MAP4: variants seen among roughly 807,000 people sequenced by gnomAD.
The protein encoded by MAP4 is microtubule-associated protein 4.
Under a neutral mutation model 170.2 loss-of-function variants are expected in MAP4, and 76 were observed. The observed-to-expected ratio is 0.45, with a 90% CI of 0.37 to 0.54. The LOEUF (loss-of-function observed/expected upper bound fraction) is 0.54, where lower values mean the gene tolerates loss of function less well. MAP4 is among the 20% of genes least tolerant of loss of function. The pLI, the probability that MAP4 is intolerant of heterozygous loss-of-function variation, is 0.00. For missense variants in MAP4, 2,506 were observed against 2,748.0 expected (o/e 0.91, Z 1.97); for synonymous variants, 909 against 994.5 (o/e 0.91, Z 1.62).
chr3:48,087,432 CTT>C (rs1233994208), intron 1 of MAP4, among the ~76,000 whole-genome samples: 1 of 152,206 alleles, frequency 6.6e-6, no homozygotes, highest in Admixed American at 6.6e-5. Context: ...CTTTGAATCT[CTT>C]TGGGCTGATG....
Position 48,060,930 on chromosome 3 carries a change from C to T in MAP4, c.-20+27843G>A, listed in dbSNP as rs966913747. On this transcript the variant is annotated intron_variant, in intron 1 of 18. Coordinates refer to the MAP4 transcript ENST00000360240. ...TGCGATCTCGGCTCACTGCAAGCTC[C>T]GTCTCCCAAGTACACGCCATTCTCC... 2.0e-5 allele frequency among the ~76,000 whole-genome samples: 3 copies of T among 152,024 alleles called. No individual in the cohort carries two copies. The South Asian group carries it at 6.2e-4, about 32-fold the overall frequency.
chr3:47,990,456 C>T lies in MAP4; in HGVS notation c.223+8182G>A, dbSNP rs560660603. 3.9e-5 allele frequency among the ~76,000 whole-genome samples: 6 copies of T among 152,204 alleles called. No homozygotes were observed. In the South Asian group the frequency reaches 1.2e-3, roughly 32 times the overall value. ...TGAGACCTTGTCTTTACTAAAAATG[C>T]AAAAAACTTAGCCAGGCCATTGCCC... On this transcript the variant is annotated intron_variant, in intron 2 of 20. Transcript: ENST00000683076.
chr3:47,898,654 AACTCAAGAAAG>A (rs1476926332), intron 10 of MAP4, among the ~76,000 whole-genome samples: 1 of 152,166 alleles, frequency 6.6e-6, no homozygotes, highest in Non-Finnish European at 1.5e-5. Flanking sequence ...TAATTAGTAA[AACTCAAGAAAG>A]ACTGGGCATA....
At chr3:48,031,119 G>A (rs2100115895) in intron 1 of MAP4, among the ~76,000 whole-genome samples, 1 of 152,066 alleles carries the variant, frequency 6.6e-6, no homozygotes, top group African/African-American at 2.4e-5. Context: ...AATATCAATA[G>A]TGATAAATCA....
chr3:48,004,969 G>A (rs1397343947), intron 1 of MAP4, among the ~76,000 whole-genome samples: 1 of 152,144 alleles, frequency 6.6e-6, no homozygotes, highest in Non-Finnish European at 1.5e-5. Context: ...GAAGGTACCT[G>A]CAACACCCAT....
intron 10 of MAP4, among the ~76,000 whole-genome samples, chr3:47,880,017 T>C (rs1271829054): frequency 6.6e-6 from 1 of 152,102 alleles, no homozygotes; most frequent in Non-Finnish European, 1.5e-5. Flanking sequence ...TATTCCTACT[T>C]TGCTGAGAGT....
intron 5 of MAP4, 127 bp from the exon 6 acceptor site, chr3:47,918,968 G>A: frequency 1.5e-6 from 1 of 679,476 alleles, no homozygotes; most frequent in Non-Finnish European, 2.3e-6. Context: ...TCGCTCTGTT[G>A]CCCACGCAGA....
intron 1 of MAP4, among the ~76,000 whole-genome samples, chr3:48,009,598 C>T (rs986419737): frequency 9.9e-5 from 15 of 152,186 alleles, no homozygotes; most frequent in East Asian, 5.8e-4. Context: ...ACAATTACAA[C>T]GCCAACTAGG....
intron 2 of MAP4, among the ~76,000 whole-genome samples, chr3:47,997,312 C>A (rs1579032032): frequency 5.6e-5 from 3 of 54,034 alleles, no homozygotes; most frequent in South Asian, 5.9e-4. Context: ...CTAAACACAA[C>A]ATATTTAAAC....
intron 5 of MAP4, among the ~76,000 whole-genome samples, chr3:47,919,878 C>T (rs1174019105): frequency 6.6e-6 from 1 of 152,104 alleles, no homozygotes; most frequent in Non-Finnish European, 1.5e-5. Flanking sequence ...CCCTTTCCAA[C>T]ATTAGAAGAC....
In MAP4 at chr3:47,921,825, T is replaced by G; in HGVS notation, c.469A>C (p.Ser157Arg). The G allele has an allele frequency of 6.2e-7, 1 of 1,612,444 alleles. No individual in the cohort carries two copies. Among genetic ancestry groups the G allele is most frequent in the Non-Finnish European group, 8.5e-7 (1 of 1,178,486 alleles). The change falls in exon 5 of 21, where the codon AGT becomes CGT. Residue 157 changes from serine (S) to arginine (R), a missense_variant. Transcript: ENST00000683076. ...AATATTGAAGTATCAGCTGTCGCAC[T>G]GGAGGGAAAGACCAAATCTGCCAGG... is the stretch of plus-strand genomic sequence containing the variant. ...DDLADLVFPSSATADTSIFAG... is the reference protein window; with the variant it reads ...DDLADLVFPSRATADTSIFAG...
chr3:47,883,864 TA>T (rs927538287), intron 10 of MAP4, among the ~76,000 whole-genome samples: 85 of 148,624 alleles, frequency 5.7e-4, no homozygotes, highest in African/African-American at 1.4e-3. Flanking sequence ...TAAGGAAGGT[TA>T]AAAAAAAAAA....
intron 1 of MAP4, among the ~76,000 whole-genome samples, chr3:48,060,571 T>C (rs79377194): frequency 0.012 from 1,883 of 152,044 alleles, 43 homozygotes; most frequent in African/African-American, 0.043. Flanking sequence ...ACTCAACAGA[T>C]TGGGAGAAAA....
At chr3:48,052,233 G>GT (rs1559861092) in intron 1 of MAP4, among the ~76,000 whole-genome samples, 2 of 152,042 alleles carry the variant, frequency 1.3e-5, no homozygotes, top group Non-Finnish European at 1.5e-5. Flanking sequence ...TTTTGTTTTT[G>GT]TTTTTTGAGA....
chr3:47,953,231 A>C (rs994828436), intron 3 of MAP4, among the ~76,000 whole-genome samples: 1 of 152,156 alleles, frequency 6.6e-6, no homozygotes, highest in Non-Finnish European at 1.5e-5. Context: ...TACAAAAAAA[A>C]ACACAAAACA....
intron 5 of MAP4, 124 bp from the exon 6 acceptor site, chr3:47,918,965 G>T: frequency 1.4e-6 from 1 of 713,032 alleles, no homozygotes; most frequent in Non-Finnish European, 2.2e-6. Context: ...GTTTCGCTCT[G>T]TTGCCCACGC....
At chr3:48,081,052 A>C (rs2100146414) in intron 1 of MAP4, among the ~76,000 whole-genome samples, 1 of 152,212 alleles carries the variant, frequency 6.6e-6, no homozygotes, top group Non-Finnish European at 1.5e-5. Context: ...TGAACCCGGG[A>C]GGCAGAGCTT....
At chr3:48,034,838 C>A (rs929751800) in intron 1 of MAP4, among the ~76,000 whole-genome samples, 1 of 151,942 alleles carries the variant, frequency 6.6e-6, no homozygotes, top group African/African-American at 2.4e-5. Context: ...CATACTGAGA[C>A]CTTGTCTCTA....
In MAP4 at chr3:48,050,540, G is replaced by A. The variant is rs373442760; in HGVS notation, c.-20+38233C>T. ...TATTTTTCATTTCTCAGAAAGATTC[G>A]GTTTTCATTTAATATTCCTGTATTA... On this transcript the variant is annotated intron_variant, in intron 1 of 18. Transcript: ENST00000360240. 2.4e-4 allele frequency among the ~76,000 whole-genome samples: 36 copies of A among 151,372 alleles called. No individual in the cohort carries two copies. In the South Asian group the frequency reaches 7.3e-3, roughly 31 times the overall value.
Sources: allele counts gnomAD v4.1 joint callset (sites outside exome capture counted in the v4.1 genomes callset), GRCh38; gene constraint gnomAD v4.1.1; transcripts MANE v1.5; gene names NCBI Gene and HGNC (gene_info 2026-07-23, HGNC 2026-07-21).